Variants in NAALADL2 observed in about 807,000 individuals in gnomAD.
NAALADL2 encodes the protein N-acetylated alpha-linked acidic dipeptidase like 2, also known as inactive N-acetylated-alpha-linked acidic dipeptidase-like protein 2.
Under a neutral mutation model 87.2 loss-of-function variants are expected in NAALADL2, and 76 were observed. That is an observed-to-expected ratio of 0.87 (90% CI 0.72 to 1.05). The LOEUF (loss-of-function observed/expected upper bound fraction) is 1.05, where lower values mean the gene tolerates loss of function less well. NAALADL2 is among the 50% of genes least tolerant of loss of function. The pLI, the probability that NAALADL2 is intolerant of heterozygous loss-of-function variation, is 0.00. For synonymous variants in NAALADL2, 354 were observed against 331.0 expected, an observed-to-expected ratio of 1.07 and a Z score of -0.75; for missense variants, 1,089 against 945.8, an observed-to-expected ratio of 1.15 and a Z score of -1.99.
chr3:175,439,985 T>C (rs1485254144), intron 5 of NAALADL2, among the ~76,000 whole-genome samples: 1 of 152,112 alleles, frequency 6.6e-6, no homozygotes, highest in African/African-American at 2.4e-5. Context: ...GAAGGGTTTT[T>C]TCCCAACGTT....
At chr3:175,293,931 T>C (rs1268654141) in intron 4 of NAALADL2, among the ~76,000 whole-genome samples, 4 of 152,240 alleles carry the variant, frequency 2.6e-5, no homozygotes, top group African/African-American at 9.6e-5. Context: ...TTACTTGGCC[T>C]TTAGTATTCA....
intron 3 of NAALADL2, among the ~76,000 whole-genome samples, chr3:174,752,825 C>A (rs1050779380): frequency 1.3e-5 from 2 of 151,990 alleles, no homozygotes; most frequent in Non-Finnish European, 2.9e-5. Flanking sequence ...ATATTTCATA[C>A]AAAAAATTTA....
At chr3:174,521,183 C>T (rs545802634) in intron 1 of NAALADL2, among the ~76,000 whole-genome samples, 10 of 152,060 alleles carry the variant, frequency 6.6e-5, no homozygotes, top group Admixed American at 5.9e-4. Context: ...AATCATTATA[C>T]AAAAAAAGAC....
chr3:175,498,852 A>G (rs1329764434), intron 9 of NAALADL2, among the ~76,000 whole-genome samples: 1 of 152,088 alleles, frequency 6.6e-6, no homozygotes, highest in African/African-American at 2.4e-5. Context: ...AATTAAGTTA[A>G]AAGAAGGTCA....
chr3:174,783,914 A>T (rs1716296654), intron 3 of NAALADL2, among the ~76,000 whole-genome samples: 1 of 152,172 alleles, frequency 6.6e-6, no homozygotes, highest in South Asian at 2.1e-4. Context: ...GAGAACCATC[A>T]TGATAGAGCT....
At chr3:175,280,145 A>G (rs1293293920) in intron 4 of NAALADL2, among the ~76,000 whole-genome samples, 1 of 152,000 alleles carries the variant, frequency 6.6e-6, no homozygotes, top group Admixed American at 6.6e-5. Context: ...CTGGAACTGA[A>G]AAGATAAGGA....
intron 2 of NAALADL2, among the ~76,000 whole-genome samples, chr3:174,627,305 T>G (rs1721668025): frequency 6.6e-6 from 1 of 151,876 alleles, no homozygotes; most frequent in Non-Finnish European, 1.5e-5. Context: ...TTTTAAAGAG[T>G]ACATATGGCC....
intron 5 of NAALADL2, among the ~76,000 whole-genome samples, chr3:175,428,180 T>C (rs900592817): frequency 1.3e-5 from 2 of 152,074 alleles, no homozygotes; most frequent in African/African-American, 4.8e-5. Context: ...ACTACCTGAG[T>C]ACTTGATGGC....
intron 2 of NAALADL2, among the ~76,000 whole-genome samples, chr3:175,233,608 A>T (rs2035104): frequency 0.41 from 61,838 of 151,880 alleles, 14,951 homozygotes; most frequent in Non-Finnish European, 0.54. Context: ...CATCAGGCTA[A>T]TTTATTTTTT....
At chr3:175,548,938 C>T (rs1438470520) in intron 9 of NAALADL2, among the ~76,000 whole-genome samples, 2 of 151,918 alleles carry the variant, frequency 1.3e-5, no homozygotes, top group African/African-American at 4.8e-5. Flanking sequence ...AATGCTTCTA[C>T]CATTTATTAT....
At chr3:174,675,447 T>C (rs187851361) in intron 2 of NAALADL2, among the ~76,000 whole-genome samples, 4 of 152,198 alleles carry the variant, frequency 2.6e-5, no homozygotes, top group African/African-American at 9.6e-5. Flanking sequence ...TGTTCACCAC[T>C]TTCCATGTTA....
intron 9 of NAALADL2, among the ~76,000 whole-genome samples, chr3:175,500,448 G>A (rs1729386705): frequency 6.6e-6 from 1 of 151,838 alleles, no homozygotes; most frequent in South Asian, 2.1e-4. Context: ...GAGCAGAGAG[G>A]TTTGTTTGCT....
At chr3:175,168,293 C>G (rs991409369) in intron 2 of NAALADL2, among the ~76,000 whole-genome samples, 1 of 151,872 alleles carries the variant, frequency 6.6e-6, no homozygotes, top group Non-Finnish European at 1.5e-5. Context: ...GGAACTAAAA[C>G]TAGGCTACTT....
chr3:175,428,615 G>C (rs1717222185), intron 5 of NAALADL2, among the ~76,000 whole-genome samples: 2 of 151,998 alleles, frequency 1.3e-5, no homozygotes, highest in South Asian at 4.1e-4. Context: ...TTTTCAATCT[G>C]TCTTCTTCAT....
chr3:175,061,924 G>T, intron 1 of NAALADL2, among the ~76,000 whole-genome samples: 1 of 152,102 alleles, frequency 6.6e-6, no homozygotes, highest in South Asian at 2.1e-4. Flanking sequence ...AAACAGATGG[G>T]ACTTAACCAC....
At chr3:175,090,825 C>T (rs1000301622) in intron 1 of NAALADL2, among the ~76,000 whole-genome samples, 9 of 150,296 alleles carry the variant, frequency 6.0e-5, no homozygotes, top group African/African-American at 2.2e-4. Context: ...GTTTATATAT[C>T]CTATTTAATC....
Position 175,686,080 on chromosome 3 carries a change from A to G in NAALADL2, c.1897-51226A>G, listed in dbSNP as rs1318653329. Among the ~76,000 whole-genome samples the G allele has an allele frequency of 3.3e-5, 5 of 152,310 alleles. No individual in the cohort carries two copies. The East Asian group carries it at 9.7e-4, about 29-fold the overall frequency. ...CTTTACCTCCATAAGATTCTGCCCT[A>G]TTGTTCTTAAATGTCTAATGGTTCC... On this transcript the variant is annotated intron_variant, in intron 11 of 13. Transcript: ENST00000454872.
chr3:174,524,009 CT>C lies in NAALADL2; in HGVS notation c.-183-26551del, dbSNP rs968903207. On this transcript the variant is annotated intron_variant, in intron 1 of 3. Transcript: ENST00000434257. ...AATATACTTGGTCTCTTTATTTCTT[CT>C]TTTTTTTTGCTTGTATCTATGTCTT... Among the ~76,000 whole-genome samples, 557 of 150,476 alleles carry C rather than the reference CT, an allele frequency of 3.7e-3. 3 individuals carry two copies. The highest frequency in any genetic ancestry group is 0.013 in the African/African-American group (534 of 41,090).
intron 11 of NAALADL2, among the ~76,000 whole-genome samples, chr3:175,652,538 G>T (rs1439410610): frequency 6.7e-6 from 1 of 148,970 alleles, no homozygotes; most frequent in East Asian, 2.0e-4. Context: ...GAGTGCAGTG[G>T]TGCCATCTCG....
Sources: gnomAD v4.1 joint callset for allele counts (sites outside exome capture counted in the v4.1 genomes callset) on GRCh38, gnomAD v4.1.1 for gene constraint, MANE v1.5 for transcripts, NCBI Gene and HGNC (gene_info 2026-07-23, HGNC 2026-07-21) for gene names.